OPRM1: variants seen among roughly 807,000 people sequenced by gnomAD.
OPRM1 encodes opioid receptor mu 1, also known as mu-type opioid receptor.
OPRM1 carries 27 observed loss-of-function variants against 31.8 expected under a neutral mutation model. That is an observed-to-expected ratio of 0.85 (90% CI 0.63 to 1.17). The LOEUF is 1.17. Among genes scored for constraint, OPRM1 ranks in the 50% most tolerant of loss-of-function variants. OPRM1 has a pLI of 0.00. For synonymous variants in OPRM1, 196 were observed against 189.9 expected (o/e 1.03, Z -0.26); for missense variants, 536 against 511.1 (o/e 1.05, Z -0.47).
chr6:154,174,474 A>C (rs1800137939), intron 3 of OPRM1, among the ~76,000 whole-genome samples: 1 of 152,186 alleles, frequency 6.6e-6, no homozygotes, highest in Non-Finnish European at 1.5e-5. Context: ...GGAAGGAGGA[A>C]GATCTATCAA....
chr6:154,225,093 T>C (rs1009686447), intron 3 of OPRM1, among the ~76,000 whole-genome samples: 6 of 152,196 alleles, frequency 3.9e-5, no homozygotes, highest in Non-Finnish European at 8.8e-5. Context: ...TGCCTTATAT[T>C]TCAGAATTTT....
intron 3 of OPRM1, among the ~76,000 whole-genome samples, chr6:154,232,832 G>A (rs1439787179): frequency 6.6e-6 from 1 of 152,082 alleles, no homozygotes; most frequent in African/African-American, 2.4e-5. Context: ...GTGTAATAAT[G>A]TAAAATTTGT....
At chr6:154,013,425 GT>G (rs1777836432) in intron 1 of OPRM1, among the ~76,000 whole-genome samples, 1 of 152,130 alleles carries the variant, frequency 6.6e-6, no homozygotes, top group Non-Finnish European at 1.5e-5. Flanking sequence ...GCTGGCAAAA[GT>G]TACAGAAAGA....
intron 1 of OPRM1, among the ~76,000 whole-genome samples, chr6:154,041,008 C>A (rs1779946865): frequency 6.6e-6 from 1 of 151,558 alleles, no homozygotes; most frequent in Non-Finnish European, 1.5e-5. Context: ...ATATAGGGAA[C>A]ATGGCATTTT....
At chr6:154,033,572 A>T (rs1453463564) in intron 1 of OPRM1, among the ~76,000 whole-genome samples, 4 of 152,230 alleles carry the variant, frequency 2.6e-5, no homozygotes. Flanking sequence ...GGAAGCACAG[A>T]GAGTTGTACA....
chr6:154,103,153 A>G (rs1795111408), intron 3 of OPRM1, among the ~76,000 whole-genome samples: 1 of 152,178 alleles, frequency 6.6e-6, no homozygotes, highest in African/African-American at 2.4e-5. Context: ...AGTTGTGGAC[A>G]AACTACAATG....
chr6:154,130,677 A>T lies in OPRM1; in HGVS notation c.*11956A>T, dbSNP rs649840. On this transcript the variant is annotated 3_prime_UTR_variant, in exon 4 of 4. Transcript: ENST00000330432. ...AATTGTATATCCATATAAAAGCATT[A>T]GTACCATTATATGAAAGTATATATG... Among the ~76,000 whole-genome samples, 6 of 151,696 alleles carry T rather than the reference A, an allele frequency of 4.0e-5. No homozygotes were observed. The highest frequency in any genetic ancestry group is 1.2e-4 in the African/African-American group (5 of 41,270).
rs1796928488 is a variant in OPRM1, at chr6:154,116,765, C to A, written c.1165-1918C>A. Among the ~76,000 whole-genome samples the A allele has an allele frequency of 2.6e-5, 4 of 152,096 alleles. No individual in the cohort carries two copies. In the South Asian group the frequency reaches 8.3e-4, roughly 32 times the overall value. On this transcript the variant is annotated intron_variant, in intron 3 of 3. Coordinates refer to ENST00000330432, the MANE Select transcript of OPRM1 (RefSeq NM_000914.5). ...CCCACATGAGACAGCCTTGGTTCTG[C>A]ATGCTCTAAGGCATAACCTTTCTTA... is the stretch of plus-strand genomic sequence containing the variant.
At chr6:154,237,610 T>C (rs1426064948) in intron 3 of OPRM1, among the ~76,000 whole-genome samples, 6 of 152,184 alleles carry the variant, frequency 3.9e-5, no homozygotes, top group Non-Finnish European at 5.9e-5. Context: ...ATAGTGTTCT[T>C]GGTCAACATT....
chr6:154,055,103 C>T (rs543771197), intron 1 of OPRM1, among the ~76,000 whole-genome samples: 3 of 152,252 alleles, frequency 2.0e-5, no homozygotes, highest in South Asian at 4.1e-4. Flanking sequence ...CTCTGTAAAG[C>T]TTGGCTGGGC....
intron 3 of OPRM1, chr6:154,110,303 T>A: frequency 1.1e-6 from 1 of 912,850 alleles, no homozygotes; most frequent in Non-Finnish European, 1.8e-6. Flanking sequence ...TTGCTAAGAA[T>A]AAGCATTATA....
At chr6:154,059,568 G>C (rs1583288108) in intron 1 of OPRM1, among the ~76,000 whole-genome samples, 1 of 151,120 alleles carries the variant, frequency 6.6e-6, no homozygotes, top group Non-Finnish European at 1.5e-5. Context: ...TTACATTCAT[G>C]ATCCTTTTTT....
chr6:154,144,369 A>G (rs1798304807), intron 3 of OPRM1, among the ~76,000 whole-genome samples: 1 of 152,260 alleles, frequency 6.6e-6, no homozygotes, highest in Non-Finnish European at 1.5e-5. Flanking sequence ...AAAAAAATTT[A>G]CAGACCAATA....
intron 3 of OPRM1, among the ~76,000 whole-genome samples, chr6:154,199,397 G>T (rs1048857306): frequency 2.6e-5 from 4 of 152,162 alleles, no homozygotes; most frequent in Admixed American, 2.6e-4. Flanking sequence ...TTCTCCGATT[G>T]GTGGAAAAGT....
intron 1 of OPRM1, chr6:154,087,118 C>T (rs1790772608): frequency 1.0e-6 from 1 of 985,114 alleles, no homozygotes; most frequent in African/African-American, 1.7e-5. Context: ...GTGAAACTCC[C>T]AAAGTAAGTC....
rs1462157057 is a variant in OPRM1, at chr6:154,109,788, C to CTGTGTG, written c.1165-8894_1165-8893insGTGTGT. Among the ~76,000 whole-genome samples the CTGTGTG allele has an allele frequency of 3.9e-3, 410 of 103,850 alleles. 1 individual carries two copies. The highest frequency in any genetic ancestry group is 0.012 in the African/African-American group (348 of 30,240). 68.1% of individuals were successfully genotyped at this position (103,850 alleles called of 152,430 possible). ...TCTCCCTCTCTCTCTCTCTCTCTCT[C>CTGTGTG]TCTCTGTGTGTGTGTGTGTGTGTGT... is the stretch of plus-strand genomic sequence containing the variant. On this transcript the variant is annotated intron_variant, in intron 3 of 3. Transcript: ENST00000330432.
chr6:154,166,260 A>G (rs573891024), intron 3 of OPRM1, among the ~76,000 whole-genome samples: 3 of 152,362 alleles, frequency 2.0e-5, no homozygotes, highest in South Asian at 4.1e-4. Flanking sequence ...GAATGGTAAC[A>G]CTAATTCTTT....
downstream of OPRM1, among the ~76,000 whole-genome samples, chr6:154,136,524 CT>C (rs1266735723): frequency 1.3e-5 from 2 of 152,130 alleles, no homozygotes; most frequent in African/African-American, 2.4e-5. Flanking sequence ...ATCTAAATCT[CT>C]CATACCCACC....
intron 1 of OPRM1, among the ~76,000 whole-genome samples, chr6:154,027,317 T>C (rs542406600): frequency 2.0e-5 from 3 of 151,022 alleles, no homozygotes; most frequent in Non-Finnish European, 4.4e-5. Context: ...TGTTACTTTC[T>C]CCAAAACAAA....
Sources: gnomAD v4.1 joint callset for allele counts (sites outside exome capture counted in the v4.1 genomes callset) on GRCh38, gnomAD v4.1.1 for gene constraint, MANE v1.5 for transcripts, NCBI Gene and HGNC (gene_info 2026-07-23, HGNC 2026-07-21) for gene names.